CCSER1: variants seen among roughly 807,000 people sequenced by gnomAD.
CCSER1 encodes the protein serine-rich coiled-coil domain-containing protein 1.
Under a neutral mutation model 82.0 loss-of-function variants are expected in CCSER1, and 41 were observed. The observed-to-expected ratio is 0.50, with a 90% CI of 0.39 to 0.65. The LOEUF is 0.65. Among genes scored for constraint, CCSER1 ranks in the 30% least tolerant of loss-of-function variants. CCSER1 has a pLI of 0.00. For synonymous variants in CCSER1, 414 were observed against 383.9 expected (o/e 1.08, Z -0.92); for missense variants, 1,119 against 1,064.2 (o/e 1.05, Z -0.72).
chr4:91,030,077 A>G (rs1252079651), intron 9 of CCSER1, among the ~76,000 whole-genome samples: 1 of 152,138 alleles, frequency 6.6e-6, no homozygotes, highest in Non-Finnish European at 1.5e-5. Context: ...TACAATCATT[A>G]TTACTGCTAC....
At chr4:90,996,204 A>T (rs980402104) in intron 9 of CCSER1, among the ~76,000 whole-genome samples, 13 of 152,132 alleles carry the variant, frequency 8.5e-5, no homozygotes, top group African/African-American at 2.9e-4. Flanking sequence ...CTTGTTGTAG[A>T]TGTGTGTCGT....
At chr4:90,482,530 C>T (rs1766207524) in intron 5 of CCSER1, among the ~76,000 whole-genome samples, 1 of 152,218 alleles carries the variant, frequency 6.6e-6, no homozygotes, top group Non-Finnish European at 1.5e-5. Context: ...TTTCTCTCTA[C>T]ACACTGCTTT....
chr4:90,932,549 C>T (rs1423060370), intron 9 of CCSER1, among the ~76,000 whole-genome samples: 6 of 151,946 alleles, frequency 3.9e-5, no homozygotes, highest in African/African-American at 1.4e-4. Context: ...ACACTTAGAG[C>T]CCAGCGCGGT....
intron 3 of CCSER1, among the ~76,000 whole-genome samples, chr4:90,333,512 C>A (rs11941084): frequency 0.015 from 2,217 of 152,248 alleles, 68 homozygotes; most frequent in African/African-American, 0.05. Context: ...AATGCTATTG[C>A]CACTTGAAAG....
intron 10 of CCSER1, among the ~76,000 whole-genome samples, chr4:91,509,164 GCTTCTTT>G (rs1339856211): frequency 3.3e-5 from 5 of 149,906 alleles, no homozygotes; most frequent in Non-Finnish European, 5.9e-5. Context: ...CTTTTTTTTA[GCTTCTTT>G]ATGTGAATTG....
At chr4:91,081,909 A>G (rs1249644623) in intron 9 of CCSER1, among the ~76,000 whole-genome samples, 1 of 152,168 alleles carries the variant, frequency 6.6e-6, no homozygotes, top group African/African-American at 2.4e-5. Context: ...CAATGAAACA[A>G]AAGAGAATAC....
chr4:90,669,020 G>C (rs889240548), intron 6 of CCSER1, among the ~76,000 whole-genome samples: 1 of 152,022 alleles, frequency 6.6e-6, no homozygotes, highest in African/African-American at 2.4e-5. Context: ...AGAAGAGAGA[G>C]ATTACCAGAA....
chr4:90,619,575 T>C (rs1721929288), intron 5 of CCSER1, among the ~76,000 whole-genome samples: 1 of 152,078 alleles, frequency 6.6e-6, no homozygotes, highest in Admixed American at 6.6e-5. Context: ...TTTCCATCTA[T>C]ATGAAATGTC....
chr4:90,567,307 A>AT (rs34947960), intron 5 of CCSER1, among the ~76,000 whole-genome samples: 54,658 of 138,668 alleles, frequency 0.39, 11,583 homozygotes, highest in African/African-American at 0.58. Context: ...TTGTCTCTGG[A>AT]TTTTTTTTTT....
At chr4:90,483,285 C>T (rs113204158) in intron 5 of CCSER1, among the ~76,000 whole-genome samples, 5 of 152,156 alleles carry the variant, frequency 3.3e-5, no homozygotes, top group Admixed American at 2.0e-4. Flanking sequence ...TGAGATGGGT[C>T]TCCTGAATAC....
At chr4:90,245,405 C>A (rs1456587340) in intron 1 of CCSER1, among the ~76,000 whole-genome samples, 1 of 151,478 alleles carries the variant, frequency 6.6e-6, no homozygotes, top group Non-Finnish European at 1.5e-5. Context: ...TGGTAGCTGA[C>A]CCCTTCTCTA....
intron 9 of CCSER1, among the ~76,000 whole-genome samples, chr4:90,949,704 C>T (rs915653147): frequency 5.9e-5 from 9 of 152,140 alleles, no homozygotes; most frequent in African/African-American, 2.2e-4. Context: ...TGGGCATACA[C>T]AGTAGGCAAA....
chr4:91,192,573 G>T (rs1436779651), intron 10 of CCSER1, among the ~76,000 whole-genome samples: 1 of 151,914 alleles, frequency 6.6e-6, no homozygotes, highest in African/African-American at 2.4e-5. Flanking sequence ...CATCTTATTA[G>T]TAACAAAACT....
intron 10 of CCSER1, among the ~76,000 whole-genome samples, chr4:91,151,971 C>T (rs1730257585): frequency 6.6e-6 from 1 of 152,134 alleles, no homozygotes; most frequent in Non-Finnish European, 1.5e-5. Flanking sequence ...ATGGAGAGTT[C>T]TGTAGATGTC....
intron 10 of CCSER1, among the ~76,000 whole-genome samples, chr4:91,133,543 T>G (rs1371892884): frequency 1.3e-5 from 2 of 152,136 alleles, no homozygotes; most frequent in African/African-American, 4.8e-5. Context: ...CTTAGAGGCA[T>G]TGGTATAAAC....
intron 10 of CCSER1, among the ~76,000 whole-genome samples, chr4:91,311,088 C>A (rs1303114640): frequency 2.6e-5 from 4 of 151,970 alleles, no homozygotes; most frequent in Admixed American, 2.6e-4. Flanking sequence ...TTTCATTTAA[C>A]TATTACATGA....
Position 91,105,663 on chromosome 4 carries a change from C to T in CCSER1, c.2217+19669C>T, listed in dbSNP as rs565201396. Among the ~76,000 whole-genome samples the T allele has an allele frequency of 7.2e-5, 11 of 152,174 alleles. 1 individual carries two copies. In the South Asian group the frequency reaches 2.3e-3, roughly 32 times the overall value. ...AAGTTGCAGTGAGATGAGATCACAC[C>T]ACTACACTCCAGCCTGGGTGACAGA... On this transcript the variant is annotated intron_variant, in intron 10 of 10. Transcript: ENST00000509176.
chr4:90,482,306 T>G (rs1766141966), intron 5 of CCSER1, among the ~76,000 whole-genome samples: 1 of 152,190 alleles, frequency 6.6e-6, no homozygotes, highest in Non-Finnish European at 1.5e-5. Flanking sequence ...ATTTTGTTGA[T>G]CTTTTCAAAA....
At chr4:90,354,518 AG>A (rs1744076466) in intron 3 of CCSER1, among the ~76,000 whole-genome samples, 1 of 152,108 alleles carries the variant, frequency 6.6e-6, no homozygotes, top group Admixed American at 6.5e-5. Context: ...CACGCACAAT[AG>A]TAACTGTGTG....
Sources: allele counts gnomAD v4.1 joint callset (sites outside exome capture counted in the v4.1 genomes callset), GRCh38; gene constraint gnomAD v4.1.1; transcripts MANE v1.5; gene names NCBI Gene and HGNC (gene_info 2026-07-23, HGNC 2026-07-21).